MS4A10: variants seen among roughly 807,000 people sequenced by gnomAD.
The protein encoded by MS4A10 is membrane spanning 4-domains A10, also known as membrane-spanning 4-domains subfamily A member 10.
MS4A10 carries 27 observed loss-of-function variants against 27.7 expected under a neutral mutation model. The observed-to-expected ratio is 0.98, with a 90% CI of 0.72 to 1.35. The LOEUF is 1.35. Ranked by LOEUF, MS4A10 falls within the 40% of genes most tolerant of loss-of-function variation. The pLI, the probability that MS4A10 is intolerant of heterozygous loss-of-function variation, is 0.00. For synonymous variants in MS4A10, 139 were observed against 131.2 expected (o/e 1.06, Z -0.41); for missense variants, 338 against 324.7 (o/e 1.04, Z -0.32).
chr11:60,801,227 A>C lies in MS4A10; in HGVS notation c.*1318A>C, dbSNP rs2134762931. On this transcript the variant is annotated 3_prime_UTR_variant, in exon 8 of 8. Transcript: ENST00000308287. ...GGGTTTGACTCAGTCCCTTCCCCTC[A>C]CTAGGTCCCAGTTTCTCCATTTGTA... The C allele has an allele frequency of 6.6e-6, 1 of 152,366 alleles. No homozygotes were observed. Among genetic ancestry groups the C allele is most frequent in the East Asian group, 1.9e-4 (1 of 5,188 alleles). The allele number at this position is 152,366 out of a possible 1,614,324, so 9.4% of individuals were successfully genotyped here.
chr11:60,793,640 G>A (rs1245188301), intron 4 of MS4A10, among the ~76,000 whole-genome samples: 1 of 152,238 alleles, frequency 6.6e-6, no homozygotes, highest in Admixed American at 6.5e-5. Flanking sequence ...AGCTGATGTA[G>A]GATGGTCGGG....
chr11:60,788,549 G>A (rs1192170621), intron 1 of MS4A10, among the ~76,000 whole-genome samples: 1 of 152,206 alleles, frequency 6.6e-6, no homozygotes, highest in Non-Finnish European at 1.5e-5. Context: ...ACATCCCTTA[G>A]TCCAGCTAGC....
At chr11:60,797,770 T>A (rs974411773) in intron 6 of MS4A10, among the ~76,000 whole-genome samples, 8 of 152,270 alleles carry the variant, frequency 5.3e-5, no homozygotes, top group African/African-American at 1.7e-4. Context: ...CTAGCTAAGA[T>A]GTCCTTGAAT....
intron 1 of MS4A10, among the ~76,000 whole-genome samples, chr11:60,786,188 C>T (rs1227769473): frequency 5.0e-5 from 7 of 140,122 alleles, no homozygotes; most frequent in South Asian, 2.2e-4. Context: ...CACACACACA[C>T]GCACACACAC....
Position 60,790,996 on chromosome 11 carries a change from T to C in MS4A10, c.206T>C (p.Leu69Pro), listed in dbSNP as rs762052019. The stretch of plus-strand genomic sequence containing the variant: ...CAGGCCTTCCACATCACCATCGCTC[T>C]GCTGCACCTGGTCTTTGGGGGCTAC... ...ELGAFHITIA[L>P]LHLVFGGYLA... is the part of the protein sequence containing the mutation. The change falls in exon 3 of 8, where the codon CTG becomes CCG. Residue 69 changes from leucine (L) to proline (P), a missense_variant. Coordinates refer to ENST00000308287, the MANE Select transcript of MS4A10 (RefSeq NM_206893.4). 1.3e-5 allele frequency: 21 copies of C among 1,614,068 alleles called. No homozygotes were observed. The South Asian group carries it at 2.0e-4, about 15-fold the overall frequency.
At chr11:60,795,450 C>T in intron 5 of MS4A10, 105 bp from the exon 6 acceptor site, 1 of 622,238 alleles carries the variant, frequency 1.6e-6, no homozygotes. Flanking sequence ...CCCACCTGCC[C>T]TCTGCTGTGG....
intron 6 of MS4A10, among the ~76,000 whole-genome samples, chr11:60,796,058 G>A (rs976706315): frequency 5.9e-5 from 9 of 152,182 alleles, no homozygotes; most frequent in African/African-American, 2.2e-4. Context: ...CACTGGCTTG[G>A]AGACAGGACA....
In MS4A10 at chr11:60,800,036, G is replaced by T. The variant is rs1179122960; in HGVS notation, c.*127G>T. The T allele has an allele frequency of 7.0e-7, 1 of 1,434,900 alleles. No homozygotes were observed. Among genetic ancestry groups the T allele is most frequent in the Non-Finnish European group, 9.4e-7 (1 of 1,061,944 alleles). The allele number at this position is 1,434,900 out of a possible 1,614,324, so 88.9% of individuals were successfully genotyped here. A position where few individuals can be genotyped will look rare whatever the true frequency, so the allele number is the denominator to read the frequency against. ...CTAGAGCGATGGTCTATACAGCAAA[G>T]TCAGCCCTCACAGCTCCTGGGAACG... is the stretch of plus-strand genomic sequence containing the variant. On this transcript the variant is annotated 3_prime_UTR_variant, in exon 8 of 8. Coordinates refer to ENST00000308287, the MANE Select transcript of MS4A10 (RefSeq NM_206893.4).
At chr11:60,798,819 A>G (rs992862820) in intron 7 of MS4A10, among the ~76,000 whole-genome samples, 2 of 152,176 alleles carry the variant, frequency 1.3e-5, no homozygotes, top group Non-Finnish European at 1.5e-5. Context: ...CTCCAGAGCA[A>G]ACCCCTGGGC....
intron 1 of MS4A10, 108 bp downstream of exon 1, chr11:60,785,529 G>A (rs543154551): frequency 2.6e-4 from 40 of 152,360 alleles, no homozygotes; most frequent in African/African-American, 9.1e-4. Context: ...GAAGCCAGGG[G>A]ACCGGCCTCT....
chr11:60,788,885 C>A (rs1854381040), intron 1 of MS4A10, among the ~76,000 whole-genome samples: 1 of 152,228 alleles, frequency 6.6e-6, no homozygotes. Context: ...AGGCAGGCAA[C>A]CTCTCTGAAC....
intron 1 of MS4A10, among the ~76,000 whole-genome samples, chr11:60,787,120 C>T (rs1854352781): frequency 6.7e-6 from 1 of 149,700 alleles, no homozygotes; most frequent in African/African-American, 2.4e-5. Context: ...CCAGGCATCC[C>T]GTGGCCCTGT....
intron 7 of MS4A10, 47 bp downstream of exon 7, chr11:60,798,561 TG>T: frequency 1.4e-6 from 2 of 1,426,402 alleles, no homozygotes; most frequent in South Asian, 2.3e-5. Flanking sequence ...AACCCACGCT[TG>T]GCCCCTTCTC....
chr11:60,790,259 G>A, intron 1 of MS4A10, 55 bp from the exon 2 acceptor site: 1 of 1,478,134 alleles, frequency 6.8e-7, no homozygotes, highest in Non-Finnish European at 9.3e-7. Context: ...GGCTCACCCA[G>A]GCACAAGCCT....
chr11:60,795,666 G>C lies in MS4A10; in HGVS notation c.603+1G>C. 3 of 1,556,606 alleles carry C rather than the reference G, an allele frequency of 1.9e-6. No individual in the cohort carries two copies. The highest frequency in any genetic ancestry group is 2.6e-6 in the Non-Finnish European group (3 of 1,153,088). On this transcript the variant is annotated splice_donor_variant, in intron 6 of 7. Coordinates refer to ENST00000308287, the MANE Select transcript of MS4A10 (RefSeq NM_206893.4). LOFTEE classifies it high-confidence loss of function. ...GAGAGGGGACTGCCCATCTGCAAAG[G>C]TAAGACAAGGGCTTGTCTTCCCAGG... is the stretch of plus-strand genomic sequence containing the variant.
Position 60,798,429 on chromosome 11 carries a change from T to C in MS4A10, c.637T>C (p.Leu213=), listed in dbSNP as rs752906403. ...DDACLVPNTP[L]HLKGLPVEPP... Reference sequence around the variant, plus strand: ...TGCATGCCTTGTTCCGAATACACCATTGCATCTCAAAGGCCTGCCGGTGGA... The same window carrying C: ...TGCATGCCTTGTTCCGAATACACCACTGCATCTCAAAGGCCTGCCGGTGGA... The change falls in exon 7 of 8, where the codon TTG becomes CTG. Residue 213 remains leucine (L), a synonymous_variant. Coordinates refer to ENST00000308287, the MANE Select transcript of MS4A10 (RefSeq NM_206893.4). 9.9e-6 allele frequency: 16 copies of C among 1,613,962 alleles called. No individual in the cohort carries two copies. The highest frequency in any genetic ancestry group is 6.7e-5 in the African/African-American group (5 of 74,910).
rs1854512963 is a variant in MS4A10 at position 60,795,533 on chromosome 11, T to G, written c.493-22T>G. ...ACACCCAGCGAGGCCTCACCCTGCCTTCCTTCCCTCTACCCTCTCAGGTCC... is the reference window on the plus strand; with the variant it reads ...ACACCCAGCGAGGCCTCACCCTGCCGTCCTTCCCTCTACCCTCTCAGGTCC... On this transcript the variant is annotated intron_variant, in intron 5 of 7. Transcript: ENST00000308287. The G allele has an allele frequency of 3.3e-6, 5 of 1,492,742 alleles. No homozygotes were observed. The East Asian group carries it at 1.0e-4, about 30-fold the overall frequency. The allele number at this position is 1,492,742 out of a possible 1,614,324, so 92.5% of individuals were successfully genotyped here.
intron 1 of MS4A10, among the ~76,000 whole-genome samples, chr11:60,786,190 C>T (rs1289084410): frequency 6.0e-5 from 6 of 99,596 alleles, no homozygotes; most frequent in Non-Finnish European, 6.8e-5. Context: ...CACACACACG[C>T]ACACACACAC....
intron 6 of MS4A10, among the ~76,000 whole-genome samples, chr11:60,798,047 T>C (rs1854560172): frequency 6.6e-6 from 1 of 152,204 alleles, no homozygotes; most frequent in Non-Finnish European, 1.5e-5. Context: ...GACCTGCCCC[T>C]AGAGTGTATC....
Sources: allele counts gnomAD v4.1 joint callset (sites outside exome capture counted in the v4.1 genomes callset), GRCh38; gene constraint gnomAD v4.1.1; transcripts MANE v1.5; gene names NCBI Gene and HGNC (gene_info 2026-07-23, HGNC 2026-07-21).